SMG6: variants seen among roughly 807,000 people sequenced by gnomAD.
The protein encoded by SMG6 is telomerase-binding protein EST1A.
A neutral mutation model predicts 142.2 loss-of-function variants in SMG6; 66 were observed. The ratio of observed to expected loss-of-function variants is 0.46; its 90% CI spans 0.38 to 0.57. The LOEUF (loss-of-function observed/expected upper bound fraction) is 0.57, where lower values mean the gene tolerates loss of function less well. Among genes scored for constraint, SMG6 ranks in the 20% least tolerant of loss-of-function variants. The pLI, the probability that SMG6 is intolerant of heterozygous loss-of-function variation, is 0.00. For synonymous variants in SMG6, 779 were observed against 702.4 expected (o/e 1.11, Z -1.72); for missense variants, 1,793 against 1,832.0 (o/e 0.98, Z 0.39).
intron 6 of SMG6, among the ~76,000 whole-genome samples, chr17:2,284,911 A>G (rs2074870446): frequency 6.6e-6 from 1 of 152,194 alleles, no homozygotes; most frequent in South Asian, 2.1e-4. Flanking sequence ...ACTAATTTCT[A>G]TCTACACTAC....
chr17:2,166,029 T>C (rs1048259156), intron 13 of SMG6, among the ~76,000 whole-genome samples: 3 of 152,074 alleles, frequency 2.0e-5, no homozygotes, highest in Non-Finnish European at 4.4e-5. Flanking sequence ...CTGGCCGACA[T>C]AGCAAAACCC....
chr17:2,276,540 A>G (rs1317611404), intron 8 of SMG6, among the ~76,000 whole-genome samples: 1 of 151,952 alleles, frequency 6.6e-6, no homozygotes, highest in African/African-American at 2.4e-5. Flanking sequence ...ATACGTCATC[A>G]CACCCAGCTT....
At chr17:2,160,133 C>T (rs905277228) in intron 13 of SMG6, among the ~76,000 whole-genome samples, 2 of 151,892 alleles carry the variant, frequency 1.3e-5, no homozygotes, top group African/African-American at 4.8e-5. Flanking sequence ...TATATATACA[C>T]CCATACATTC....
At chr17:2,091,408 G>A (rs1019448239) in intron 13 of SMG6, among the ~76,000 whole-genome samples, 6 of 152,192 alleles carry the variant, frequency 3.9e-5, no homozygotes, top group Non-Finnish European at 7.3e-5. Context: ...GCCTACTTGA[G>A]TCAGAAGAAG....
At chr17:2,296,456 C>T (rs2151406185) in intron 4 of SMG6, among the ~76,000 whole-genome samples, 1 of 152,256 alleles carries the variant, frequency 6.6e-6, no homozygotes, top group South Asian at 2.1e-4. Flanking sequence ...ATCAGGGGTC[C>T]CCAGCCCCCA....
At chr17:2,234,261 A>T (rs955286452) in intron 10 of SMG6, among the ~76,000 whole-genome samples, 3 of 150,740 alleles carry the variant, frequency 2.0e-5, no homozygotes, top group Non-Finnish European at 4.4e-5. Flanking sequence ...TTTAATTCTT[A>T]ATTATTATTA....
In SMG6 at chr17:2,112,372, G is replaced by A. The variant is rs1276446813; in HGVS notation, c.3358-26471C>T. On this transcript the variant is annotated intron_variant, in intron 13 of 18. Coordinates refer to ENST00000263073, the MANE Select transcript of SMG6 (RefSeq NM_017575.5). ...ACAAAAAAAAAATTAGCCAGGCGTC[G>A]TGGCGGGCGTCTGGAGTCCCAGCTA... is the stretch of plus-strand genomic sequence containing the variant. Among the ~76,000 whole-genome samples the A allele has an allele frequency of 3.3e-5, 5 of 151,404 alleles. No homozygotes were observed. The South Asian group carries it at 6.2e-4, about 19-fold the overall frequency.
At chr17:2,130,310 TAATA>T (rs1427894803) in intron 13 of SMG6, among the ~76,000 whole-genome samples, 2 of 149,042 alleles carry the variant, frequency 1.3e-5, no homozygotes, top group Non-Finnish European at 1.5e-5. Flanking sequence ...TTCATACCAT[TAATA>T]GTTAACTAGA....
chr17:2,273,026 T>C (rs1389458839), intron 8 of SMG6, among the ~76,000 whole-genome samples: 3 of 152,040 alleles, frequency 2.0e-5, no homozygotes, highest in Non-Finnish European at 2.9e-5. Flanking sequence ...CCCACACCAC[T>C]GTGCTTGGGG....
At chr17:2,109,466 G>T (rs1567604641) in intron 13 of SMG6, among the ~76,000 whole-genome samples, 1 of 152,196 alleles carries the variant, frequency 6.6e-6, no homozygotes, top group Non-Finnish European at 1.5e-5. Flanking sequence ...GTTTCGCCAT[G>T]TTGGCCAGCC....
intron 14 of SMG6, 162 bp from the exon 15 acceptor site, chr17:2,082,118 G>A: frequency 1.5e-6 from 1 of 661,226 alleles, no homozygotes; most frequent in Non-Finnish European, 2.6e-6. Context: ...CAGGCAAAGG[G>A]AGGTTGACAA....
At chr17:2,236,701 T>TCTCACACACA (rs1161732926) in intron 9 of SMG6, 64 bp from the exon 10 acceptor site, 1 of 914,350 alleles carries the variant, frequency 1.1e-6, no homozygotes, top group African/African-American at 1.9e-5. Flanking sequence ...TCACTCTGTC[T>TCTCACACACA]CACACACACA....
At chr17:2,065,002 G>C in intron 18 of SMG6, 71 bp downstream of exon 18, 2 of 1,240,174 alleles carry the variant, frequency 1.6e-6, no homozygotes, top group Middle Eastern at 1.9e-4. Flanking sequence ...GCCCTTCTCA[G>C]GGGCTGAGGA....
At chr17:2,061,797 C>A in intron 18 of SMG6, 175 bp from the exon 19 acceptor site, 1 of 680,476 alleles carries the variant, frequency 1.5e-6, no homozygotes, top group Non-Finnish European at 2.5e-6. Flanking sequence ...CCCTCCCCTG[C>A]TGGCCTAGAG....
chr17:2,265,645 T>G (rs1435618902), intron 8 of SMG6, among the ~76,000 whole-genome samples: 1 of 152,208 alleles, frequency 6.6e-6, no homozygotes, highest in Non-Finnish European at 1.5e-5. Context: ...CTGTAAAAGG[T>G]CACAGAAAAT....
In SMG6 at chr17:2,288,111, C is replaced by T. The variant is rs139262360; in HGVS notation, c.2338-4376G>A. ...GGTGGATCACCTGAAGTCTGGAGTTCGAGACCAGCCTGGCCAACATGGTGA... is the reference window on the plus strand; with the variant it reads ...GGTGGATCACCTGAAGTCTGGAGTTTGAGACCAGCCTGGCCAACATGGTGA... On this transcript the variant is annotated intron_variant, in intron 6 of 18. Coordinates refer to ENST00000263073, the MANE Select transcript of SMG6 (RefSeq NM_017575.5). Among the ~76,000 whole-genome samples, 389 of 151,888 alleles carry T rather than the reference C, an allele frequency of 2.6e-3. 2 individuals are homozygous for T. Among genetic ancestry groups the T allele is most frequent in the African/African-American group, 8.9e-3 (369 of 41,404 alleles).
rs1379666172 is a variant in SMG6, at chr17:2,085,950, G to T, written c.3358-49C>A. 1 of 1,580,976 alleles carries T rather than the reference G, an allele frequency of 6.3e-7. No individual in the cohort carries two copies. Among genetic ancestry groups the T allele is most frequent in the South Asian group, 1.1e-5 (1 of 90,172 alleles). On this transcript the variant is annotated intron_variant, in intron 13 of 18. Transcript: ENST00000263073. The surrounding 1 kb of genome is among the most constrained non-coding windows in gnomAD (Gnocchi z 4.1). ...AAAAACAGCATTTTCTGAAAGGGAA[G>T]ATGGAGACGAGATGTTGCTTGCCGG...
chr17:2,189,252 T>C (rs2072087964), intron 10 of SMG6, among the ~76,000 whole-genome samples: 1 of 152,206 alleles, frequency 6.6e-6, no homozygotes, highest in African/African-American at 2.4e-5. Flanking sequence ...ACTAACTTCC[T>C]TCTGGCTCCA....
At chr17:2,204,741 T>TCA (rs1285962430) in intron 10 of SMG6, among the ~76,000 whole-genome samples, 2 of 152,138 alleles carry the variant, frequency 1.3e-5, no homozygotes, top group African/African-American at 4.8e-5. Context: ...GGTAGGCGAA[T>TCA]CACTTAAGCT....
Sources: gnomAD v4.1 joint callset for allele counts (sites outside exome capture counted in the v4.1 genomes callset) on GRCh38, gnomAD v4.1.1 for gene constraint, Gnocchi (gnomAD v3.1) non-coding constraint, MANE v1.5 for transcripts, NCBI Gene and HGNC (gene_info 2026-07-23, HGNC 2026-07-21) for gene names.